DMD: variants seen among roughly 807,000 people sequenced by gnomAD.
The protein encoded by DMD is mutant dystrophin.
In DMD, 63 loss-of-function variants were observed where a neutral mutation model predicts 330.1. The observed-to-expected ratio is 0.19, with a 90% confidence interval of 0.16 to 0.24. DMD has a LOEUF of 0.24. Among genes scored for constraint, DMD ranks in the 10% least tolerant of loss-of-function variants. The pLI, the probability that DMD is intolerant of heterozygous loss-of-function variation, is 1.00. For missense variants in DMD, 3,344 were observed against 2,684.1 expected (o/e 1.25, Z -5.43); for synonymous variants, 1,223 against 959.8 (o/e 1.27, Z -5.07).
At chrX:33,163,628 C>CTATCTATCTATGTATCTATGTATCTATG (rs779008582) in intron 1 of DMD, among the ~76,000 whole-genome samples, 10 of 100,082 alleles carry the variant, frequency 1.0e-4, no homozygotes, top group African/African-American at 3.7e-4. Context: ...CTCTATCTAT[C>CTATCTATCTATGTATCTATGTATCTATG]TATCTATCTA....
chrX:32,750,656 G>A (rs1454978672), intron 7 of DMD, among the ~76,000 whole-genome samples: 1 of 110,622 alleles, frequency 9.0e-6, no homozygotes, highest in Non-Finnish European at 1.9e-5. Flanking sequence ...AGGCCTGAAA[G>A]CCAAACTACA....
chrX:32,769,558 C>A (rs1483881682), intron 7 of DMD, among the ~76,000 whole-genome samples: 1 of 111,770 alleles, frequency 8.9e-6, no homozygotes, highest in Non-Finnish European at 1.9e-5. Context: ...TATTTTGGCA[C>A]TTATGTGTTA....
chrX:31,718,539 T>C (rs1287351053), intron 52 of DMD, among the ~76,000 whole-genome samples: 1 of 110,927 alleles, frequency 9.0e-6, no homozygotes, highest in African/African-American at 3.3e-5. Context: ...AAGGGTTAGA[T>C]GAGGTCATAG....
chrX:32,588,306 T>G (rs942171097), intron 13 of DMD, among the ~76,000 whole-genome samples: 4 of 112,037 alleles, frequency 3.6e-5, no homozygotes, highest in Admixed American at 9.5e-5. Flanking sequence ...GAGGGAGTAG[T>G]CATCACTAGG....
Position 32,596,311 on chromosome X carries a change from A to C in DMD, c.1483-435T>G, listed in dbSNP as rs919600892. ...TGTTCCTCTTCACTGAAAAAAAAAA[A>C]AACAAATGTATCCTATAGTTACTGT... On this transcript the variant is annotated intron_variant, in intron 12 of 78. Coordinates refer to ENST00000357033, the MANE Select transcript of DMD (RefSeq NM_004006.3). Among the ~76,000 whole-genome samples, 54 of 110,001 alleles carry C rather than the reference A, an allele frequency of 4.9e-4. 1 individual carries two copies. The highest frequency in any genetic ancestry group is 4.7e-3 in the Middle Eastern group (1 of 214).
intron 25 of DMD, among the ~76,000 whole-genome samples, chrX:32,461,856 GAGA>G (rs2098384589): frequency 9.1e-6 from 1 of 109,948 alleles, no homozygotes; most frequent in Non-Finnish European, 1.9e-5. Context: ...CTTACTTCAG[GAGA>G]AGAATGTGAG....
intron 7 of DMD, among the ~76,000 whole-genome samples, chrX:32,783,199 C>CGT (rs1557026200): frequency 7.5e-5 from 7 of 93,490 alleles, no homozygotes; most frequent in Non-Finnish European, 4.4e-5. Flanking sequence ...TATATGTATA[C>CGT]ATATACACAT....
rs2032408138 is a variant in DMD, at chrX:31,121,133, C to CTATTAGGATGTGACATGAACATTT, written c.*762_*785dup. 9.0e-6 allele frequency: 1 copy of CTATTAGGATGTGACATGAACATTT among 111,513 alleles called. No individual in the cohort carries two copies. The allele number at this position is 111,513 out of a possible 1,213,427, so 9.2% of individuals were successfully genotyped here. ...ATGACTGACTAGAAGTAATTTCTTTCTATTAGGATGTGACATGAACATTTA... is the reference window on the plus strand; with the variant it reads ...ATGACTGACTAGAAGTAATTTCTTTCTATTAGGATGTGACATGAACATTTTATTAGGATGTGACATGAACATTTA... On this transcript the variant is annotated 3_prime_UTR_variant, in exon 79 of 79. Coordinates refer to ENST00000357033, the MANE Select transcript of DMD (RefSeq NM_004006.3).
chrX:31,748,164 T>C (rs191396726), intron 51 of DMD, among the ~76,000 whole-genome samples: 3 of 112,125 alleles, frequency 2.7e-5, no homozygotes, highest in African/African-American at 6.5e-5. Flanking sequence ...TGTAAGATAG[T>C]AGACAGAATA....
chrX:31,886,068 G>T (rs2094150631), intron 47 of DMD, among the ~76,000 whole-genome samples: 1 of 110,130 alleles, frequency 9.1e-6, no homozygotes, highest in African/African-American at 3.3e-5. Context: ...ATAATAATAG[G>T]GAATTTTCAA....
intron 7 of DMD, among the ~76,000 whole-genome samples, chrX:32,734,787 G>A (rs2068209514): frequency 9.3e-6 from 1 of 107,298 alleles, no homozygotes; most frequent in Admixed American, 9.9e-5. Context: ...AGCTATCTAT[G>A]ACAAACCCAC....
intron 17 of DMD, among the ~76,000 whole-genome samples, chrX:32,524,223 C>G (rs1054021568): frequency 2.7e-5 from 3 of 111,755 alleles, no homozygotes; most frequent in African/African-American, 9.8e-5. Flanking sequence ...CGTGAGCCAC[C>G]GCGCCCGGCC....
chrX:32,594,241 C>T (rs1336552372), intron 13 of DMD, among the ~76,000 whole-genome samples: 1 of 111,691 alleles, frequency 9.0e-6, no homozygotes, highest in Admixed American at 9.5e-5. Flanking sequence ...ATGGGGACTT[C>T]CCTTCCTACT....
chrX:31,569,954 C>T lies in DMD; in HGVS notation c.8217+57719G>A, dbSNP rs1366281360. On this transcript the variant is annotated intron_variant, in intron 55 of 78. Coordinates refer to ENST00000357033, the MANE Select transcript of DMD (RefSeq NM_004006.3). ...CCCCTAATGATAACTCTTCTGTACG[C>T]ATGAGAGATTTATCTAAACATTTAA... is the stretch of plus-strand genomic sequence containing the variant. 3.6e-5 allele frequency among the ~76,000 whole-genome samples: 4 copies of T among 110,691 alleles called. No individual in the cohort carries two copies. The East Asian group carries it at 1.1e-3, about 31-fold the overall frequency.
chrX:31,728,215 CG>C (rs1179228404), intron 52 of DMD, among the ~76,000 whole-genome samples: 2 of 110,578 alleles, frequency 1.8e-5, no homozygotes, highest in African/African-American at 6.6e-5. Context: ...TTAGTAGAGA[CG>C]GGGTTTCACC....
chrX:32,896,257 C>A lies in DMD; in HGVS notation c.94-46437G>T, dbSNP rs2085707081. 3.6e-5 allele frequency among the ~76,000 whole-genome samples: 4 copies of A among 111,405 alleles called. No homozygotes were observed. The Admixed American group carries it at 3.8e-4, about 11-fold the overall frequency. ...TATGATCAAATCCCTCTTGATTACA[C>A]CCCTAGGGTATAATAGGAGGCAGGT... On this transcript the variant is annotated intron_variant, in intron 2 of 78. Transcript: ENST00000357033.
chrX:31,906,217 T>C (rs1456510433), intron 47 of DMD, among the ~76,000 whole-genome samples: 1 of 112,096 alleles, frequency 8.9e-6, no homozygotes, highest in African/African-American at 3.2e-5. Flanking sequence ...CTTCCCCATC[T>C]GCCATGATTG....
chrX:32,096,073 C>A (rs902484029), intron 44 of DMD, among the ~76,000 whole-genome samples: 3 of 111,748 alleles, frequency 2.7e-5, no homozygotes, highest in African/African-American at 9.8e-5. Flanking sequence ...ATCTTTCTAT[C>A]CAAAATGCAT....
chrX:31,863,029 C>T (rs913318597), intron 48 of DMD, among the ~76,000 whole-genome samples: 2 of 112,699 alleles, frequency 1.8e-5, no homozygotes, highest in Non-Finnish European at 3.8e-5. Flanking sequence ...TGAGGCTGCC[C>T]GCACCCAGGC....
Sources: allele counts gnomAD v4.1 joint callset (sites outside exome capture counted in the v4.1 genomes callset), GRCh38; gene constraint gnomAD v4.1.1; transcripts MANE v1.5; gene names NCBI Gene and HGNC (gene_info 2026-07-23, HGNC 2026-07-21).